ANO2: variants seen among roughly 807,000 people sequenced by gnomAD.
ANO2 encodes anoctamin 2, also known as anoctamin-2.
A neutral mutation model predicts 124.2 loss-of-function variants in ANO2; 101 were observed. The ratio of observed to expected loss-of-function variants is 0.81; its 90% CI spans 0.69 to 0.96. The LOEUF (loss-of-function observed/expected upper bound fraction) is 0.96, where lower values mean the gene tolerates loss of function less well. ANO2 is among the 40% of genes least tolerant of loss of function. The pLI, the probability that ANO2 is intolerant of heterozygous loss-of-function variation, is 0.00. For synonymous variants in ANO2, 486 were observed against 482.5 expected (o/e 1.01, Z -0.09); for missense variants, 1,293 against 1,274.5 (o/e 1.01, Z -0.22).
rs752112242 is a variant in ANO2, at chr12:5,577,994, G to A, written c.2400C>T (p.Asp800=). 1.2e-5 allele frequency: 19 copies of A among 1,613,766 alleles called. No homozygotes were observed. The highest frequency in any genetic ancestry group is 1.7e-5 in the Admixed American group (1 of 59,996). Residue 800 remains aspartate, a synonymous_variant, in exon 22 of 25, where the codon GAC becomes GAT. Transcript: ENST00000682330. The part of the protein sequence containing the change: ...VRTKDIGIWF[D]ILSGIGKFSV... ...AGAACTTGCCAATTCCAGAGAGAAT[G>A]TCAAACCAGATTCCTACAAGACAGA...
intron 14 of ANO2, among the ~76,000 whole-genome samples, chr12:5,653,111 G>C (rs1946988413): frequency 6.6e-6 from 1 of 152,214 alleles, no homozygotes; most frequent in Non-Finnish European, 1.5e-5. Flanking sequence ...TAAATGCCAA[G>C]TGGCCAGGAC....
At chr12:5,825,463 C>CTAGCAAAA (rs1346605696) in intron 7 of ANO2, among the ~76,000 whole-genome samples, 7 of 152,184 alleles carry the variant, frequency 4.6e-5, no homozygotes, top group Non-Finnish European at 8.8e-5. Context: ...TAGTGATCCA[C>CTAGCAAAA]TAGCAAAATT....
intron 10 of ANO2, among the ~76,000 whole-genome samples, chr12:5,757,192 G>A (rs1385226861): frequency 6.6e-6 from 1 of 152,200 alleles, no homozygotes; most frequent in African/African-American, 2.4e-5. Context: ...TCAGTAGAAG[G>A]GTGAGGCCTG....
At chr12:5,830,323 T>G in intron 6 of ANO2, 112 bp downstream of exon 6, 1 of 1,128,678 alleles carries the variant, frequency 8.9e-7, no homozygotes, top group South Asian at 1.5e-5. Context: ...GCTAGGCAAC[T>G]CCAAGCAAAT....
At chr12:5,643,329 T>A (rs998439895) in intron 15 of ANO2, among the ~76,000 whole-genome samples, 2 of 152,248 alleles carry the variant, frequency 1.3e-5, no homozygotes. Context: ...TCAAACTGTA[T>A]ATATTCTTTC....
At chr12:5,859,465 G>T (rs1955201870) in intron 3 of ANO2, among the ~76,000 whole-genome samples, 1 of 152,088 alleles carries the variant, frequency 6.6e-6, no homozygotes, top group African/African-American at 2.4e-5. Context: ...CAAGAAGACG[G>T]TGTGAGTACT....
chr12:5,913,678 C>A (rs1941193923), intron 3 of ANO2, among the ~76,000 whole-genome samples: 1 of 152,218 alleles, frequency 6.6e-6, no homozygotes, highest in Non-Finnish European at 1.5e-5. Context: ...TGACCTTGGC[C>A]AAGCCACTTG....
At chr12:5,889,115 G>A (rs1042300869) in intron 3 of ANO2, among the ~76,000 whole-genome samples, 9 of 152,206 alleles carry the variant, frequency 5.9e-5, no homozygotes, top group African/African-American at 1.7e-4. Context: ...CACTGCCCAC[G>A]GCCGGCGGGC....
chr12:5,638,241 T>C (rs1174213085), intron 15 of ANO2, among the ~76,000 whole-genome samples: 3 of 140,658 alleles, frequency 2.1e-5, no homozygotes, highest in Admixed American at 1.4e-4. Flanking sequence ...CTTTTCCTTT[T>C]TTTTTTTTTT....
chr12:5,637,974 G>A (rs112228605), intron 15 of ANO2, among the ~76,000 whole-genome samples: 19 of 152,054 alleles, frequency 1.2e-4, no homozygotes, highest in Non-Finnish European at 7.4e-5. Context: ...AAGTCCACAA[G>A]GTGTGGACTA....
At chr12:5,668,656 C>A (rs1947852049) in intron 14 of ANO2, among the ~76,000 whole-genome samples, 1 of 152,154 alleles carries the variant, frequency 6.6e-6, no homozygotes, top group African/African-American at 2.4e-5. Context: ...CCTAGATTTT[C>A]TTCTATGGTT....
intron 3 of ANO2, among the ~76,000 whole-genome samples, chr12:5,883,500 GT>G (rs1938652419): frequency 8.6e-6 from 1 of 116,692 alleles, no homozygotes; most frequent in East Asian, 2.3e-4. Context: ...TGACATTAGG[GT>G]GGTGTGTGTG....
chr12:5,755,176 T>C (rs1487311443), intron 10 of ANO2, among the ~76,000 whole-genome samples: 1 of 151,662 alleles, frequency 6.6e-6, no homozygotes, highest in Non-Finnish European at 1.5e-5. Context: ...TATAGTACTC[T>C]TGATTGGCAG....
In ANO2 at chr12:5,562,882, T is replaced by C. The variant is rs1941515088; in HGVS notation, c.*417A>G. The C allele has an allele frequency of 5.5e-6, 1 of 181,342 alleles. No homozygotes were observed. The allele number at this position is 181,342 out of a possible 1,614,324, so 11.2% of individuals were successfully genotyped here. A position where few individuals can be genotyped will look rare whatever the true frequency, so the allele number is the denominator to read the frequency against. On this transcript the variant is annotated 3_prime_UTR_variant, in exon 25 of 25. Coordinates refer to ENST00000682330, the MANE Select transcript of ANO2 (RefSeq NM_001364791.2). ...CCCCACTGCAAGTGACTCAGTTTTC[T>C]TGTAGTGATAGTAAGTAGGGGATGC... is the stretch of plus-strand genomic sequence containing the variant.
At position 5,563,317 on chromosome 12, in the gene ANO2, A is replaced by G. The variant is rs763862032; in HGVS notation, c.2979T>C (p.Ser993=). The change falls in exon 25 of 25, where the codon TCT becomes TCC. Residue 993 remains serine, a synonymous_variant. Transcript: ENST00000682330. ...SQLGSMMSSG[S]QHTNV is the part of the protein sequence containing the mutation. ...GAACTGCTCACACATTGGTGTGCTGAGAGCCTGACGACATCATGCTGCCCA... is the reference window on the plus strand; with the variant it reads ...GAACTGCTCACACATTGGTGTGCTGGGAGCCTGACGACATCATGCTGCCCA... 1.2e-6 allele frequency: 2 copies of G among 1,600,860 alleles called. No individual in the cohort carries two copies. The highest frequency in any genetic ancestry group is 2.2e-5 in the South Asian group (2 of 89,202).
intron 16 of ANO2, among the ~76,000 whole-genome samples, chr12:5,621,656 A>G (rs572592667): frequency 6.6e-6 from 1 of 152,258 alleles, no homozygotes; most frequent in South Asian, 2.1e-4. Context: ...AGAATCTTCA[A>G]TCATGATTCC....
chr12:5,831,418 A>G (rs1954149599), intron 5 of ANO2, among the ~76,000 whole-genome samples: 1 of 152,162 alleles, frequency 6.6e-6, no homozygotes, highest in African/African-American at 2.4e-5. Context: ...CACCAGCATA[A>G]ATGAAGGCCC....
chr12:5,868,305 G>A (rs1422575823), intron 3 of ANO2, among the ~76,000 whole-genome samples: 1 of 152,100 alleles, frequency 6.6e-6, no homozygotes, highest in African/African-American at 2.4e-5. Flanking sequence ...TAGAAGCAGG[G>A]CACATTAAAG....
rs1860961 is a variant in ANO2 at position 5,732,567 on chromosome 12, A to C, written c.1498T>G (p.Ser500Ala). The change falls in exon 14 of 25, where the codon TCT (serine) becomes GCT (alanine). Residue 500 changes from serine to alanine, a missense_variant. By Grantham distance (99) the Ser-to-Ala change is moderately conservative. Transcript: ENST00000682330. ...TTTGTTTCCAATTTCTGGACAGCAG[A>C]CTGGTTGCTCTCCTTTAGCATTTTC... Reference protein sequence around the residue: ...REKMLKESNQSAVQKLETNTT... With the variant: ...REKMLKESNQAAVQKLETNTT... 146,869 of 1,613,610 alleles carry C rather than the reference A, an allele frequency of 0.091. 7,728 individuals carry two copies. Among genetic ancestry groups the C allele is most frequent in the African/African-American group, 0.23 (17,243 of 74,942 alleles).
Sources: allele counts gnomAD v4.1 joint callset (sites outside exome capture counted in the v4.1 genomes callset), GRCh38; gene constraint gnomAD v4.1.1; transcripts MANE v1.5; gene names NCBI Gene and HGNC (gene_info 2026-07-23, HGNC 2026-07-21).